DUOX2: variants seen among roughly 807,000 people sequenced by gnomAD.
DUOX2 encodes the protein NADH/NADPH thyroid oxidase p138-tox.
A neutral mutation model predicts 183.3 loss-of-function variants in DUOX2; 185 were observed. The ratio of observed to expected loss-of-function variants is 1.01; its 90% confidence interval spans 0.90 to 1.14. The LOEUF (loss-of-function observed/expected upper bound fraction) is 1.14, where lower values mean the gene tolerates loss of function less well. Among genes scored for constraint, DUOX2 ranks in the 50% most tolerant of loss-of-function variants. DUOX2 has a pLI of 0.00. For missense variants in DUOX2, 1,999 were observed against 2,022.9 expected (o/e 0.99, Z 0.23); for synonymous variants, 788 against 812.4 (o/e 0.97, Z 0.51).
chr15:45,095,668 C>T, intron 30 of DUOX2, 73 bp from the exon 31 acceptor site: 1 of 1,605,658 alleles, frequency 6.2e-7, no homozygotes, highest in Admixed American at 1.7e-5. Flanking sequence ...GAGACACAGG[C>T]AGAGGGAGGA....
Position 45,104,021 on chromosome 15 carries a change from T to G in DUOX2, c.2593A>C (p.Thr865Pro), listed in dbSNP as rs886051194. 4 of 1,614,022 alleles carry G rather than the reference T, an allele frequency of 2.5e-6. No individual in the cohort carries two copies. The highest frequency in any genetic ancestry group is 3.4e-6 in the Non-Finnish European group (4 of 1,180,036). ...CCATTCTCATCCAGGTCATACATGG[T>G]AAACATTAGACGGGACTTATCCTCT... ...SPEDKSRLMF[T>P]MYDLDENGFL... is the part of the protein sequence containing the mutation. The change falls in exon 20 of 34, where the codon ACC (threonine) becomes CCC (proline). Residue 865 changes from threonine to proline, a missense_variant. Physicochemically the swap from Thr to Pro is conservative, Grantham distance 38 (BLOSUM62 -1). This residue lies in a region of DUOX2 where 1,628 missense variants were observed against 1,608.6 expected (regional missense o/e 1.01). Transcript: ENST00000389039.
At chr15:45,099,346 C>A in intron 26 of DUOX2, 37 bp downstream of exon 26, 3 of 1,587,056 alleles carry the variant, frequency 1.9e-6, no homozygotes, top group Non-Finnish European at 2.6e-6. Flanking sequence ...TTGGGCCCAC[C>A]CTATGAGTCC....
chr15:45,097,345 T>C lies in DUOX2; in HGVS notation c.3740A>G (p.His1247Arg). Reference protein sequence around the residue: ...SYALIQLPTFHIYFLVPAIIY... With the variant: ...SYALIQLPTFRIYFLVPAIIY... ...GATTGCCGGGACCAGGAAGTAGATG[T>C]GGAAAGTGGGCAGCTGGATCAGAGC... Residue 1247 changes from histidine (H) to arginine (R), a missense_variant, in exon 29 of 34, where the codon CAC becomes CGC. His to Arg is a conservative substitution (Grantham distance 29). This residue lies in a region of DUOX2 where 1,628 missense variants were observed against 1,608.6 expected (regional missense o/e 1.01). Coordinates refer to ENST00000389039, the MANE Select transcript of DUOX2 (RefSeq NM_001363711.2). The C allele has an allele frequency of 1.2e-6, 2 of 1,614,186 alleles. No individual in the cohort carries two copies. Among genetic ancestry groups the C allele is most frequent in the Non-Finnish European group, 8.5e-7 (1 of 1,180,048 alleles).
chr15:45,099,232 G>A lies in DUOX2; in HGVS notation c.3515+151C>T, dbSNP rs573373651. The A allele has an allele frequency of 9.5e-6, 6 of 628,980 alleles. No individual in the cohort carries two copies. The East Asian group carries it at 9.8e-5, about 10-fold the overall frequency. The allele number at this position is 628,980 out of a possible 1,614,324, so 39.0% of individuals were successfully genotyped here. On this transcript the variant is annotated intron_variant, in intron 26 of 33. Transcript: ENST00000389039. The stretch of plus-strand genomic sequence containing the variant: ...TCACCGTGTTAGCCAGGATGGTCTC[G>A]ATCTCCTGACCTCGTGATCCGCCCA...
intron 26 of DUOX2, chr15:45,099,105 G>A: frequency 8.0e-6 from 3 of 375,666 alleles, no homozygotes; most frequent in Admixed American, 3.7e-5. Context: ...CCGCCTCTTG[G>A]GTTCATGCCA....
intron 11 of DUOX2, 106 bp from the exon 12 acceptor site, chr15:45,109,058 C>T (rs1022633999): frequency 2.5e-5 from 35 of 1,407,990 alleles, no homozygotes; most frequent in Middle Eastern, 2.4e-4. Context: ...CTCCTGGCTA[C>T]CCCCAGTGAT....
intron 4 of DUOX2, 64 bp from the exon 5 acceptor site, chr15:45,112,019 C>A: frequency 6.3e-7 from 1 of 1,581,190 alleles, no homozygotes; most frequent in South Asian, 1.1e-5. Flanking sequence ...ACGGCCAGGG[C>A]GGCCTCCAAG....
chr15:45,101,576 G>A, intron 21 of DUOX2: 1 of 653,034 alleles, frequency 1.5e-6, no homozygotes. Flanking sequence ...TGAGCAGTGT[G>A]TAGGATAGAT....
Position 45,113,848 on chromosome 15 carries a change from G to T in DUOX2, c.-15+125C>A, listed in dbSNP as rs892342308. ...GGGAAGGGAAAAAGGTTACTGACCT[G>T]GGAGTGAGGGACTGCAGCACCCTTC... On this transcript the variant is annotated intron_variant, in intron 1 of 33. Transcript: ENST00000389039. 19 of 239,596 alleles carry T rather than the reference G, an allele frequency of 7.9e-5. No individual in the cohort carries two copies. The East Asian group carries it at 1.2e-3, about 16-fold the overall frequency. 14.8% of individuals were successfully genotyped at this position (239,596 alleles called of 1,614,324 possible).
chr15:45,094,117 G>C lies in DUOX2; in HGVS notation c.*33C>G, dbSNP rs1396170724. ...ACTTAGGTGCACAGAAGAGAAGGCA[G>C]GATACTGGAAGCAGCAGCCAGGGAG... On this transcript the variant is annotated 3_prime_UTR_variant, in exon 34 of 34. Coordinates refer to ENST00000389039, the MANE Select transcript of DUOX2 (RefSeq NM_001363711.2). The C allele has an allele frequency of 1.2e-6, 2 of 1,614,114 alleles. No individual in the cohort carries two copies. The highest frequency in any genetic ancestry group is 1.7e-5 in the Admixed American group (1 of 60,028).
rs570124589 is a variant in DUOX2 at position 45,112,446 on chromosome 15, G to T, written c.325+108C>A. On this transcript the variant is annotated intron_variant, in intron 4 of 33. Coordinates refer to ENST00000389039, the MANE Select transcript of DUOX2 (RefSeq NM_001363711.2). The stretch of plus-strand genomic sequence containing the variant: ...CGAAGTGCTGCGTAGAGAGGAAGTG[G>T]TTGGGAGTCGGATGGGTCTCCTGTG... The T allele has an allele frequency of 1.6e-5, 23 of 1,399,674 alleles. No individual in the cohort carries two copies. In the South Asian group the frequency reaches 2.7e-4, roughly 17 times the overall value. The allele number at this position is 1,399,674 out of a possible 1,614,324, so 86.7% of individuals were successfully genotyped here.
At position 45,111,150 on chromosome 15, in the gene DUOX2, C is replaced by T; in HGVS notation, c.843G>A (p.Leu281=). 2 of 1,288,866 alleles carry T rather than the reference C, an allele frequency of 1.6e-6. No homozygotes were observed. The highest frequency in any genetic ancestry group is 2.5e-5 in the East Asian group (1 of 39,746). 79.8% of individuals were successfully genotyped at this position (1,288,866 alleles called of 1,614,324 possible). Residue 281 remains leucine, a synonymous_variant, in exon 7 of 34, where the codon CTG becomes CTA. Transcript: ENST00000389039. ...TGACCCTCTTGCGTGCGTGCTGGAA[C>T]AGCTCCTCGTCCTCCCAGTCTGGGT... ...RQHPDWEDEE[L]FQHARKRVIA...
Position 45,101,253 on chromosome 15 carries a change from T to C in DUOX2, c.2873A>G (p.Gln958Arg). 6.2e-7 allele frequency: 1 copy of C among 1,613,592 alleles called. No individual in the cohort carries two copies. Among genetic ancestry groups the C allele is most frequent in the Non-Finnish European group, 8.5e-7 (1 of 1,179,844 alleles). ...GGNGIRDIFK[Q>R]NISCRVSFIT... ...GAACGAGACTCGACAGCTGATGTTT[T>C]GTTTAAAGATATCTCTAATACCTAG... Residue 958 changes from glutamine to arginine, a missense_variant, in exon 22 of 34, where the codon CAA (glutamine) becomes CGA (arginine). This residue lies in a region of DUOX2 where 1,628 missense variants were observed against 1,608.6 expected (regional missense o/e 1.01). Coordinates refer to ENST00000389039, the MANE Select transcript of DUOX2 (RefSeq NM_001363711.2).
chr15:45,112,497 C>T, intron 4 of DUOX2, 57 bp downstream of exon 4: 2 of 1,596,286 alleles, frequency 1.3e-6, no homozygotes, highest in Non-Finnish European at 8.6e-7. Flanking sequence ...TCTGGCCCCT[C>T]CCCCAGGCTG....
rs570607361 is a variant in DUOX2 at position 45,105,823 on chromosome 15, C to T, written c.2154G>A (p.Leu718=). ...LKIPKEYDLV[L]LFSSEEERGA... ...CCCGTTCCTCTTCAGAACTAAACAGCAGCACCTGGGTGGGAGGAAGGCGGC... is the reference window on the plus strand; with the variant it reads ...CCCGTTCCTCTTCAGAACTAAACAGTAGCACCTGGGTGGGAGGAAGGCGGC... Residue 718 remains leucine (L), a synonymous_variant, in exon 18 of 34, where the codon CTG becomes CTA. Transcript: ENST00000389039. The T allele has an allele frequency of 2.0e-5, 32 of 1,614,106 alleles. No individual in the cohort carries two copies. In the South Asian group the frequency reaches 3.4e-4, roughly 17 times the overall value.
At chr15:45,096,326 C>T (rs1893899484) in intron 29 of DUOX2, among the ~76,000 whole-genome samples, 1 of 152,202 alleles carries the variant, frequency 6.6e-6, no homozygotes, top group Admixed American at 6.5e-5. Context: ...CCTCATACCA[C>T]TGCCTTGAAT....
At chr15:45,106,076 T>C (rs762237012) in intron 17 of DUOX2, 49 bp downstream of exon 17, 31 of 1,603,180 alleles carry the variant, frequency 1.9e-5, no homozygotes, top group Non-Finnish European at 2.4e-5. Context: ...CTTGTGATAA[T>C]GGAGTCGTGT....
At position 45,103,965 on chromosome 15, in the gene DUOX2, C is replaced by G; in HGVS notation, c.2649G>C (p.Met883Ile). Reference protein sequence around the residue: ...GFLSKDEFFTMMRSFIEISNN... With the variant: ...GFLSKDEFFTIMRSFIEISNN... Reference sequence around the variant, plus strand: ...TAGAAAGGCACACCCCATACCGCATCATGGTGAAGAATTCGTCCTTGGAGA... The same window carrying G: ...TAGAAAGGCACACCCCATACCGCATGATGGTGAAGAATTCGTCCTTGGAGA... Residue 883 changes from methionine to isoleucine, a missense_variant, in exon 20 of 34, where the codon ATG becomes ATC. Physicochemically the swap from Met to Ile is conservative, Grantham distance 10 (BLOSUM62 1). This residue lies in a region of DUOX2 where 1,628 missense variants were observed against 1,608.6 expected (regional missense o/e 1.01). Transcript: ENST00000389039. 6.2e-7 allele frequency: 1 copy of G among 1,614,176 alleles called. No homozygotes were observed.
intron 27 of DUOX2, 54 bp from the exon 28 acceptor site, chr15:45,097,795 GAA>G: frequency 6.2e-7 from 1 of 1,613,572 alleles, no homozygotes; most frequent in Non-Finnish European, 8.5e-7. Context: ...AGCTTGGGCT[GAA>G]AAGACAACAG....
Sources: gnomAD v4.1 joint callset for allele counts (sites outside exome capture counted in the v4.1 genomes callset) on GRCh38, gnomAD v4.1.1 for gene constraint, gnomAD v4.1.1 regional missense constraint, MANE v1.5 for transcripts, NCBI Gene and HGNC (gene_info 2026-07-23, HGNC 2026-07-21) for gene names.